ANO3: variants seen among roughly 807,000 people sequenced by gnomAD.
ANO3 encodes anoctamin-3.
In ANO3, 99 loss-of-function variants were observed where a neutral mutation model predicts 144.8. The observed-to-expected ratio is 0.68, with a 90% CI of 0.58 to 0.81. The LOEUF is 0.81. ANO3 is among the 30% of genes least tolerant of loss of function. ANO3 has a pLI of 0.00. For missense variants in ANO3, 905 were observed against 1,202.2 expected (o/e 0.75, Z 3.66); for synonymous variants, 414 against 392.6 (o/e 1.05, Z -0.64).
chr11:26,218,417 T>C (rs1852076429), intron 1 of ANO3, among the ~76,000 whole-genome samples: 1 of 152,150 alleles, frequency 6.6e-6, no homozygotes, highest in Non-Finnish European at 1.5e-5. Flanking sequence ...TGCTAGTTCC[T>C]ACTCTTGTTG....
intron 1 of ANO3, among the ~76,000 whole-genome samples, chr11:26,288,297 A>T (rs948200896): frequency 3.9e-5 from 6 of 152,188 alleles, no homozygotes; most frequent in African/African-American, 1.4e-4. Flanking sequence ...GAAGTTTATG[A>T]TGGAGGTATC....
chr11:26,332,799 T>C (rs1855090325), intron 1 of ANO3, among the ~76,000 whole-genome samples: 1 of 152,146 alleles, frequency 6.6e-6, no homozygotes, highest in African/African-American at 2.4e-5. Flanking sequence ...CTGTTGCAGT[T>C]AAAGGGGCTC....
intron 1 of ANO3, among the ~76,000 whole-genome samples, chr11:26,362,718 T>G (rs779221187): frequency 6.6e-6 from 1 of 152,226 alleles, no homozygotes; most frequent in African/African-American, 2.4e-5. Flanking sequence ...AAATGTCCAC[T>G]AAACAAATAT....
chr11:26,293,730 T>G (rs1854020821), intron 1 of ANO3, among the ~76,000 whole-genome samples: 2 of 151,634 alleles, frequency 1.3e-5, no homozygotes, highest in South Asian at 4.2e-4. Context: ...GATGAAGAAA[T>G]TGAGCCACAG....
At chr11:26,641,258 A>G (rs186812400) in intron 21 of ANO3, among the ~76,000 whole-genome samples, 21 of 152,340 alleles carry the variant, frequency 1.4e-4, no homozygotes, top group African/African-American at 5.1e-4. Context: ...CTACAATAGC[A>G]GAATATAATA....
intron 1 of ANO3, among the ~76,000 whole-genome samples, chr11:26,434,475 G>T (rs1481360005): frequency 6.6e-6 from 1 of 151,976 alleles, no homozygotes; most frequent in Non-Finnish European, 1.5e-5. Flanking sequence ...TAGCTTTGGG[G>T]TTGGTTTACT....
intron 4 of ANO3, among the ~76,000 whole-genome samples, chr11:26,489,892 A>G (rs1280773970): frequency 6.6e-6 from 1 of 152,216 alleles, no homozygotes. Flanking sequence ...GCTGATAGGC[A>G]GAAAGGACTT....
At chr11:26,414,757 T>TAAAAAA (rs763202737) in intron 1 of ANO3, among the ~76,000 whole-genome samples, 1 of 79,610 alleles carries the variant, frequency 1.3e-5, no homozygotes, top group Non-Finnish European at 3.0e-5. Context: ...TACAGTAAAG[T>TAAAAAA]TAAAAAAAAA....
At chr11:26,285,583 G>A (rs764221995) in intron 1 of ANO3, 3 of 152,132 alleles carry the variant, frequency 2.0e-5, no homozygotes, top group Non-Finnish European at 4.4e-5. Context: ...AGTCTTACGG[G>A]ATAAGTATAT....
chr11:26,523,847 A>G (rs1196250975), intron 6 of ANO3, among the ~76,000 whole-genome samples: 2 of 152,176 alleles, frequency 1.3e-5, no homozygotes, highest in African/African-American at 2.4e-5. Flanking sequence ...TCAAATGCCA[A>G]CCAACCCTCT....
chr11:26,645,457 G>A (rs1853314693), intron 23 of ANO3, among the ~76,000 whole-genome samples: 1 of 151,622 alleles, frequency 6.6e-6, no homozygotes, highest in African/African-American at 2.4e-5. Flanking sequence ...CTTTTTTTGG[G>A]AGGGGAGATT....
chr11:26,462,951 A>G (rs538014019), intron 3 of ANO3, 79 bp from the exon 4 acceptor site: 7 of 636,248 alleles, frequency 1.1e-5, no homozygotes, highest in Middle Eastern at 3.1e-4. Flanking sequence ...GAAAACATGA[A>G]AGAGGAGAGA....
intron 4 of ANO3, among the ~76,000 whole-genome samples, chr11:26,483,398 G>A (rs1278278232): frequency 6.6e-6 from 1 of 152,180 alleles, no homozygotes; most frequent in Non-Finnish European, 1.5e-5. Context: ...GGGTCTGGTA[G>A]GATGTGATTG....
At chr11:26,393,526 T>C (rs944861788) in intron 1 of ANO3, among the ~76,000 whole-genome samples, 4 of 152,176 alleles carry the variant, frequency 2.6e-5, no homozygotes, top group Non-Finnish European at 5.9e-5. Context: ...AAGAGCTCTA[T>C]GCTGCACTCC....
chr11:26,622,430 GA>G (rs72360962), intron 17 of ANO3, among the ~76,000 whole-genome samples: 12,396 of 134,020 alleles, frequency 0.092, 819 homozygotes, highest in Admixed American at 0.22. Context: ...AGCCATCTCT[GA>G]AAAAAAAAAA....
intron 22 of ANO3, 106 bp from the exon 23 acceptor site, chr11:26,643,076 T>C (rs1590669386): frequency 1.0e-6 from 1 of 960,208 alleles, no homozygotes; most frequent in South Asian, 1.6e-5. Flanking sequence ...GATAAAGCTA[T>C]CTACTTTGTA....
At chr11:26,496,744 T>A (rs189922195) in intron 4 of ANO3, among the ~76,000 whole-genome samples, 62 of 152,212 alleles carry the variant, frequency 4.1e-4, no homozygotes, top group Non-Finnish European at 7.4e-4. Context: ...ACATATAATT[T>A]AGCTCCCACT....
intron 5 of ANO3, among the ~76,000 whole-genome samples, chr11:26,512,446 C>A (rs1252142773): frequency 6.6e-6 from 1 of 152,144 alleles, no homozygotes; most frequent in Non-Finnish European, 1.5e-5. Flanking sequence ...ATCTTTCTCC[C>A]TGACAGCATC....
intron 1 of ANO3, among the ~76,000 whole-genome samples, chr11:26,378,006 G>A (rs910836006): frequency 6.6e-6 from 1 of 151,920 alleles, no homozygotes; most frequent in Admixed American, 6.6e-5. Flanking sequence ...ACACTAACTA[G>A]ATGACATTAT....
Sources: allele counts gnomAD v4.1 joint callset (sites outside exome capture counted in the v4.1 genomes callset), GRCh38; gene constraint gnomAD v4.1.1; transcripts MANE v1.5; gene names NCBI Gene and HGNC (gene_info 2026-07-23, HGNC 2026-07-21).